Variants in VIPR1 observed in about 807,000 individuals in gnomAD.
VIPR1 encodes vasoactive intestinal peptide receptor 1.
VIPR1 carries 59 observed loss-of-function variants against 58.8 expected under a neutral mutation model. The observed-to-expected ratio is 1.00, with a 90% CI of 0.81 to 1.25. The LOEUF is 1.25. Among genes scored for constraint, VIPR1 ranks in the 50% most tolerant of loss-of-function variants. VIPR1 has a pLI of 0.00. For synonymous variants in VIPR1, 251 were observed against 242.1 expected, an observed-to-expected ratio of 1.04 and a Z score of -0.34; for missense variants, 626 against 602.7, an observed-to-expected ratio of 1.04 and a Z score of -0.40.
intron 1 of VIPR1, chr3:42,512,613 C>A: frequency 2.4e-6 from 1 of 421,430 alleles, no homozygotes; most frequent in Non-Finnish European, 3.2e-6. Flanking sequence ...TACAGAGAAA[C>A]TGAGGCCCAG....
chr3:42,503,335 G>A (rs1029325355), intron 1 of VIPR1, among the ~76,000 whole-genome samples: 2 of 152,110 alleles, frequency 1.3e-5, no homozygotes, highest in Non-Finnish European at 2.9e-5. Flanking sequence ...ACATCCCTCC[G>A]TGTGCCCTCC....
At chr3:42,507,446 C>A (rs1700167817) in intron 1 of VIPR1, among the ~76,000 whole-genome samples, 1 of 152,240 alleles carries the variant, frequency 6.6e-6, no homozygotes, top group South Asian at 2.1e-4. Flanking sequence ...GTTCTTCCTG[C>A]ACAGCAGGTC....
At chr3:42,529,123 A>G (rs1302391916) in intron 6 of VIPR1, among the ~76,000 whole-genome samples, 3 of 152,134 alleles carry the variant, frequency 2.0e-5, no homozygotes, top group African/African-American at 7.2e-5. Flanking sequence ...AAGCTTTTCT[A>G]AGACTAGGAA....
intron 1 of VIPR1, among the ~76,000 whole-genome samples, chr3:42,504,215 C>T (rs1297999200): frequency 6.6e-6 from 1 of 152,166 alleles, no homozygotes; most frequent in Non-Finnish European, 1.5e-5. Context: ...TTGGATGAAC[C>T]GGGGATCTTG....
At chr3:42,508,231 CT>C (rs1270857046) in intron 1 of VIPR1, among the ~76,000 whole-genome samples, 2 of 152,184 alleles carry the variant, frequency 1.3e-5, no homozygotes, top group African/African-American at 4.8e-5. Context: ...GCTAACCCCC[CT>C]GGTGCCTGGC....
At chr3:42,535,408 G>A in intron 12 of VIPR1, 24 bp downstream of exon 12, 1 of 1,612,922 alleles carries the variant, frequency 6.2e-7, no homozygotes. Flanking sequence ...AGTCCTTGGG[G>A]CTTAGGCAAT....
rs145386924 is a variant in VIPR1, at chr3:42,527,142, G to A, written c.400-251G>A. 6.5e-4 allele frequency among the ~76,000 whole-genome samples: 99 copies of A among 152,198 alleles called. 1 individual carries two copies. In the East Asian group the frequency reaches 0.015, roughly 23 times the overall value. On this transcript the variant is annotated intron_variant, in intron 4 of 12. Coordinates refer to ENST00000325123, the MANE Select transcript of VIPR1 (RefSeq NM_004624.4). ...TCTCTCCCTCACCAACTTGTCCCTC[G>A]TAAAGAAGCAAAGACAGGAAGTACA... is the stretch of plus-strand genomic sequence containing the variant.
Position 42,536,145 on chromosome 3 carries a change from G to A in VIPR1, c.1238G>A (p.Gly413Asp), listed in dbSNP as rs758893349. The change falls in exon 13 of 13, where the codon GGC becomes GAC. Residue 413 changes from glycine (G) to aspartate (D), a missense_variant. Gly to Asp is a moderately conservative substitution (Grantham distance 94). Transcript: ENST00000325123. ...CGCTGGCACCTGCAGGGCGTCCTGG[G>A]CTGGAACCCCAAATACCGGCACCCG... ...WRRWHLQGVL[G>D]WNPKYRHPSG... The A allele has an allele frequency of 6.2e-7, 1 of 1,607,308 alleles. No individual in the cohort carries two copies. Among genetic ancestry groups the A allele is most frequent in the South Asian group, 1.1e-5 (1 of 89,690 alleles).
chr3:42,527,217 C>A (rs892881637), intron 4 of VIPR1, among the ~76,000 whole-genome samples, 176 bp from the exon 5 acceptor site: 6 of 152,260 alleles, frequency 3.9e-5, no homozygotes, highest in African/African-American at 1.4e-4. Flanking sequence ...TCTGTAGAAA[C>A]CAGGGCGTTA....
chr3:42,497,843 G>A (rs763365027), upstream of VIPR1, among the ~76,000 whole-genome samples: 33 of 152,296 alleles, frequency 2.2e-4, no homozygotes, highest in Admixed American at 1.6e-3. Flanking sequence ...ATGGAACTAT[G>A]AGTCCACTAA....
At chr3:42,511,408 G>T (rs772406639) in intron 1 of VIPR1, among the ~76,000 whole-genome samples, 9 of 152,206 alleles carry the variant, frequency 5.9e-5, no homozygotes, top group Non-Finnish European at 1.3e-4. Flanking sequence ...AGGCACTGTG[G>T]CCAGGAATGC....
At chr3:42,516,733 A>C (rs1240022358) in intron 2 of VIPR1, 1 of 152,298 alleles carries the variant, frequency 6.6e-6, no homozygotes, top group Admixed American at 6.5e-5. Flanking sequence ...TCCCAGAGAA[A>C]TGACAGGCCT....
chr3:42,492,760 T>G (rs1488325396), intron 1 of VIPR1, among the ~76,000 whole-genome samples: 1 of 152,106 alleles, frequency 6.6e-6, no homozygotes, highest in Admixed American at 6.5e-5. Context: ...CTCCAAACTG[T>G]CTCCCTTGAG....
At chr3:42,513,485 G>A (rs75109235) in intron 1 of VIPR1, 5 of 407,868 alleles carry the variant, frequency 1.2e-5, no homozygotes, top group East Asian at 4.4e-5. Context: ...TGTGCCACCC[G>A]CAAAGAGACA....
At chr3:42,516,119 G>A (rs1423258062) in intron 2 of VIPR1, among the ~76,000 whole-genome samples, 3 of 152,184 alleles carry the variant, frequency 2.0e-5, no homozygotes, top group Non-Finnish European at 2.9e-5. Context: ...ACACAGCAGA[G>A]GCCCCACCTC....
intron 6 of VIPR1, chr3:42,529,474 A>AAC (rs1463912136): frequency 7.9e-5 from 12 of 151,866 alleles, no homozygotes; most frequent in African/African-American, 2.4e-4. Context: ...CAAAAAAAAA[A>AAC]AAAAAAAAAA....
chr3:42,525,374 C>A (rs564666057), intron 3 of VIPR1, among the ~76,000 whole-genome samples: 5 of 151,688 alleles, frequency 3.3e-5, no homozygotes, highest in South Asian at 4.2e-4. Flanking sequence ...CCAACCCCAC[C>A]CCTCCTCACC....
intron 3 of VIPR1, among the ~76,000 whole-genome samples, chr3:42,522,496 AC>A (rs1402908730): frequency 6.6e-6 from 1 of 152,142 alleles, no homozygotes; most frequent in Non-Finnish European, 1.5e-5. Flanking sequence ...GTCTATGTTA[AC>A]CATGTCTGTG....
intron 2 of VIPR1, among the ~76,000 whole-genome samples, chr3:42,518,687 G>T (rs1160866286): frequency 6.6e-6 from 1 of 152,214 alleles, no homozygotes; most frequent in African/African-American, 2.4e-5. Flanking sequence ...TGCCAAGGTT[G>T]CACCACTGCA....
Sources: allele counts gnomAD v4.1 joint callset (sites outside exome capture counted in the v4.1 genomes callset), GRCh38; gene constraint gnomAD v4.1.1; transcripts MANE v1.5; gene names NCBI Gene and HGNC (gene_info 2026-07-23, HGNC 2026-07-21).